The following SLC4A1 variants were observed in gnomAD, a reference collection of about 807,000 sequenced individuals.
SLC4A1 encodes solute carrier family 4 member 1 (Diego blood group).
SLC4A1 carries 29 observed loss-of-function variants against 93.1 expected under a neutral mutation model. The ratio of observed to expected loss-of-function variants is 0.31; its 90% CI spans 0.23 to 0.42. The LOEUF (loss-of-function observed/expected upper bound fraction) is 0.42. SLC4A1 is among the 20% of genes least tolerant of loss of function. SLC4A1 has a pLI of 1.00. For synonymous variants in SLC4A1, 469 were observed against 497.2 expected, an observed-to-expected ratio of 0.94 and a Z score of 0.76; for missense variants, 965 against 1,190.1, an observed-to-expected ratio of 0.81 and a Z score of 2.78.
chr17:44,261,648 A>C lies in SLC4A1; in HGVS notation c.107-12T>G. ...CTCGGTGTCGTGAGCTGAAAACCAG[A>C]GGTCGGTTAGTATTGACCTGACCGT... On this transcript the variant is annotated splice_polypyrimidine_tract_variant and intron_variant, in intron 3 of 19. Coordinates refer to ENST00000262418, the MANE Select transcript of SLC4A1 (RefSeq NM_000342.4). 6.2e-7 allele frequency: 1 copy of C among 1,614,026 alleles called. No individual in the cohort carries two copies. Among genetic ancestry groups the C allele is most frequent in the Non-Finnish European group, 8.5e-7 (1 of 1,179,966 alleles).
rs1418233094 is a variant in SLC4A1 at position 44,258,236 on chromosome 17, A to G, written c.1088-56T>C. ...GGAGTAGCTGGAGGAGGTGAGGGGA[A>G]AGGGGACTGGAGGGTGTAGGGGAGA... is the stretch of plus-strand genomic sequence containing the variant. On this transcript the variant is annotated intron_variant, in intron 10 of 19. Coordinates refer to ENST00000262418, the MANE Select transcript of SLC4A1 (RefSeq NM_000342.4). The surrounding 1 kb of genome is among the most constrained non-coding windows in gnomAD (Gnocchi z 6.1). The G allele has an allele frequency of 1.9e-6, 3 of 1,551,506 alleles. No individual in the cohort carries two copies. In the South Asian group the frequency reaches 3.3e-5, roughly 17 times the overall value.
At chr17:44,256,466 G>T (rs1265461149) in intron 13 of SLC4A1, among the ~76,000 whole-genome samples, 2 of 152,230 alleles carry the variant, frequency 1.3e-5, no homozygotes, top group Non-Finnish European at 2.9e-5. Context: ...AACAGAATCA[G>T]GGGACAACAC....
Position 44,249,207 on chromosome 17 carries a change from C to G in SLC4A1, c.*1251G>C. On this transcript the variant is annotated 3_prime_UTR_variant, in exon 20 of 20. Transcript: ENST00000262418. Reference sequence around the variant, plus strand: ...CTTCCTGATTCTGTTTCCTCCATCTCTCACCACTTTCACGTCTTTCAACTC... The same window carrying G: ...CTTCCTGATTCTGTTTCCTCCATCTGTCACCACTTTCACGTCTTTCAACTC... 4.4e-6 allele frequency: 2 copies of G among 453,564 alleles called. No homozygotes were observed. Among genetic ancestry groups the G allele is most frequent in the Non-Finnish European group, 8.8e-6 (2 of 226,130 alleles). The allele number at this position is 453,564 out of a possible 1,614,324, so 28.1% of individuals were successfully genotyped here.
chr17:44,252,381 A>G (rs1479064756), intron 17 of SLC4A1, among the ~76,000 whole-genome samples: 1 of 152,082 alleles, frequency 6.6e-6, no homozygotes, highest in Non-Finnish European at 1.5e-5. Context: ...ATGAGGAAAC[A>G]GGCTCAGAGA....
chr17:44,261,882 G>T, intron 3 of SLC4A1: 1 of 1,023,890 alleles, frequency 9.8e-7, no homozygotes, highest in Non-Finnish European at 1.4e-6. Context: ...GATTCAGCCA[G>T]GGAGGCCTAG....
intron 9 of SLC4A1, 90 bp downstream of exon 9, chr17:44,259,073 A>C: frequency 7.3e-7 from 1 of 1,373,068 alleles, no homozygotes; most frequent in Non-Finnish European, 1.0e-6. Flanking sequence ...CAGTGAACCT[A>C]AAGTAACCCA....
intron 14 of SLC4A1, among the ~76,000 whole-genome samples, 155 bp downstream of exon 14, chr17:44,255,518 A>G (rs1191996915): frequency 6.6e-6 from 1 of 152,170 alleles, no homozygotes; most frequent in Non-Finnish European, 1.5e-5. Context: ...CCATAGAGTG[A>G]AACCCTAGGT....
At chr17:44,262,012 C>T in intron 3 of SLC4A1, 1 of 1,191,286 alleles carries the variant, frequency 8.4e-7, no homozygotes, top group Non-Finnish European at 1.1e-6. Flanking sequence ...ACCAGACTCC[C>T]TTCTCTCCTC....
chr17:44,248,754 C>G lies in SLC4A1; in HGVS notation c.*1704G>C, dbSNP rs1453275074. On this transcript the variant is annotated 3_prime_UTR_variant, in exon 20 of 20. Transcript: ENST00000262418. The stretch of plus-strand genomic sequence containing the variant: ...GAGAGCCTCCCATGGACTGAGCTAG[C>G]CTGGGAGGTACAAATAATGTTACTC... 1 of 165,846 alleles carries G rather than the reference C, an allele frequency of 6.0e-6. No homozygotes were observed. The highest frequency in any genetic ancestry group is 2.4e-5 in the African/African-American group (1 of 41,176). The allele number at this position is 165,846 out of a possible 1,614,324, so 10.3% of individuals were successfully genotyped here.
rs1199756918 is a variant in SLC4A1 at position 44,262,713 on chromosome 17, T to A, written c.29A>T (p.Asp10Val). The change falls in exon 3 of 20, where the codon GAC (aspartate) becomes GTC (valine). Residue 10 changes from aspartate to valine, a missense_variant. This residue lies in a region of SLC4A1 where 195 missense variants were observed against 183.5 expected (regional missense o/e 1.06). Transcript: ENST00000262418. MEELQDDYE[D>V]MMEENLEQEE... ...CTGCTCCAGATTCTCCTCCATCATG[T>A]CTTCATAATCATCCTGTGGGAAGTG... 2 of 1,614,146 alleles carry A rather than the reference T, an allele frequency of 1.2e-6. No individual in the cohort carries two copies. The highest frequency in any genetic ancestry group is 3.3e-5 in the Admixed American group (2 of 60,020).
chr17:44,259,271 C>CA lies in SLC4A1; in HGVS notation c.767dup (p.Glu257GlyfsTer16). On this transcript the variant is annotated frameshift_variant, in exon 9 of 20. Transcript: ENST00000262418. LOFTEE classifies it high-confidence loss of function. ...GGAAGCGTATAGGCACCGGCAGCTCCACCGCCTCCAGCTCCGCTGCCTCCT... is the reference window on the plus strand; with the variant it reads ...GGAAGCGTATAGGCACCGGCAGCTCCAACCGCCTCCAGCTCCGCTGCCTCCT... 6.2e-7 allele frequency: 1 copy of CA among 1,613,944 alleles called. No individual in the cohort carries two copies. The highest frequency in any genetic ancestry group is 8.5e-7 in the Non-Finnish European group (1 of 1,180,040).
In SLC4A1 at chr17:44,249,103, C is replaced by A. The variant is rs2047317756; in HGVS notation, c.*1355G>T. ...TCTCAAACTCCTGACCTCAAATGATCCGCCCAACTTGGCCTCCCAAAGTGC... is the reference window on the plus strand; with the variant it reads ...TCTCAAACTCCTGACCTCAAATGATACGCCCAACTTGGCCTCCCAAAGTGC... On this transcript the variant is annotated 3_prime_UTR_variant, in exon 20 of 20. Coordinates refer to ENST00000262418, the MANE Select transcript of SLC4A1 (RefSeq NM_000342.4). 1 of 439,498 alleles carries A rather than the reference C, an allele frequency of 2.3e-6. No homozygotes were observed. The highest frequency in any genetic ancestry group is 7.3e-5 in the East Asian group (1 of 13,664). The allele number at this position is 439,498 out of a possible 1,614,324, so 27.2% of individuals were successfully genotyped here.
In SLC4A1 at chr17:44,258,491, G is replaced by T. The variant is rs939529220; in HGVS notation, c.1009C>A (p.Pro337Thr). Residue 337 changes from proline (P) to threonine (T), a missense_variant, in exon 10 of 20, where the codon CCT becomes ACT. This residue lies in a region of SLC4A1 where 770 missense variants were observed against 1,006.6 expected (regional missense o/e 0.76). Transcript: ENST00000262418. The surrounding 1 kb of genome is among the most constrained non-coding windows in gnomAD (Gnocchi z 6.1). Reference protein sequence around the residue: ...PSEQALLSLVPVQRELLRRRY... With the variant: ...PSEQALLSLVTVQRELLRRRY... ...CTTCGAAGTAGCTCCCTCTGCACAG[G>T]CACCAGACTGAGCAGTGCCTGCTCG... 6.2e-7 allele frequency: 1 copy of T among 1,614,046 alleles called. No homozygotes were observed. The highest frequency in any genetic ancestry group is 8.5e-7 in the Non-Finnish European group (1 of 1,179,980).
chr17:44,250,222 A>T lies in SLC4A1; in HGVS notation c.*236T>A, dbSNP rs193117979. On this transcript the variant is annotated 3_prime_UTR_variant, in exon 20 of 20. Transcript: ENST00000262418. Reference sequence around the variant, plus strand: ...CAGTGAAAGTGTGGCAACAGGAGGGACTGTGCAACAAACCCCCTAATGTGG... The same window carrying T: ...CAGTGAAAGTGTGGCAACAGGAGGGTCTGTGCAACAAACCCCCTAATGTGG... 10 of 520,554 alleles carry T rather than the reference A, an allele frequency of 1.9e-5. No homozygotes were observed. Among genetic ancestry groups the T allele is most frequent in the African/African-American group, 1.5e-4 (8 of 52,066 alleles). 32.2% of individuals were successfully genotyped at this position (520,554 alleles called of 1,614,324 possible).
In SLC4A1 at chr17:44,253,589, G is replaced by A. The variant is rs34923543; in HGVS notation, c.2058-218C>T. ...CATTCAAGGCTGATTCGCAGGCAAC[G>A]AAGCTTCAGCTTCAGGGAGCTTTGC... On this transcript the variant is annotated intron_variant, in intron 16 of 19. Transcript: ENST00000262418. Among the ~76,000 whole-genome samples, 9 of 147,726 alleles carry A rather than the reference G, an allele frequency of 6.1e-5. No individual in the cohort carries two copies. In the Admixed American group the frequency reaches 6.1e-4, roughly 10 times the overall value.
rs759297000 is a variant in SLC4A1 at position 44,258,416 on chromosome 17, G to T, written c.1084C>A (p.Leu362Ile). 1 of 1,613,840 alleles carries T rather than the reference G, an allele frequency of 6.2e-7. No individual in the cohort carries two copies. ...AKPDSSFYKGLDLNGGPDDPL... is the reference protein window; with the variant it reads ...AKPDSSFYKGIDLNGGPDDPL... ...CTCAGCTGGGAAGGGCAGGTACCTA[G>T]GCCCTTGTAGAAGCTGGAGTCTGGC... The change falls in exon 10 of 20, where the codon CTA (leucine) becomes ATA (isoleucine). Residue 362 changes from leucine to isoleucine, a missense_variant. By Grantham distance (5) the Leu-to-Ile change is conservative. This residue lies in a region of SLC4A1 where 770 missense variants were observed against 1,006.6 expected (regional missense o/e 0.76). Coordinates refer to ENST00000262418, the MANE Select transcript of SLC4A1 (RefSeq NM_000342.4). This position sits in a 1 kb window ranked among gnomAD's most constrained non-coding sequence, Gnocchi z 6.1.
In SLC4A1 at chr17:44,250,160, G is replaced by C; in HGVS notation, c.*298C>G. On this transcript the variant is annotated 3_prime_UTR_variant, in exon 20 of 20. Coordinates refer to ENST00000262418, the MANE Select transcript of SLC4A1 (RefSeq NM_000342.4). Reference sequence around the variant, plus strand: ...CTACCCCTGCCTGTGCTGGGAAGAGGGAGGGCTCAGATCTAAGTCTTCCAG... The same window carrying C: ...CTACCCCTGCCTGTGCTGGGAAGAGCGAGGGCTCAGATCTAAGTCTTCCAG... 1.2e-5 allele frequency: 5 copies of C among 420,838 alleles called. No individual in the cohort carries two copies. The highest frequency in any genetic ancestry group is 1.2e-4 in the South Asian group (5 of 42,562). 26.1% of individuals were successfully genotyped at this position (420,838 alleles called of 1,614,324 possible). A position where few individuals can be genotyped will look rare whatever the true frequency, so the allele number is the denominator to read the frequency against.
In SLC4A1 at chr17:44,255,147, G is replaced by C. The variant is rs934433051; in HGVS notation, c.1890+60C>G. ...AGCTATTCTAGGGAAGGGGCATGCT[G>C]GGGGGTGGAAATGAGGACCTGGGGG... On this transcript the variant is annotated intron_variant, in intron 15 of 19. Coordinates refer to ENST00000262418, the MANE Select transcript of SLC4A1 (RefSeq NM_000342.4). The C allele has an allele frequency of 2.6e-6, 3 of 1,157,454 alleles. No individual in the cohort carries two copies. The African/African-American group carries it at 4.6e-5, about 18-fold the overall frequency. 71.7% of individuals were successfully genotyped at this position (1,157,454 alleles called of 1,614,324 possible).
intron 3 of SLC4A1, 28 bp downstream of exon 3, chr17:44,262,608 C>T: frequency 6.4e-7 from 1 of 1,556,772 alleles, no homozygotes. Context: ...AGCAGCTCAT[C>T]CCAGCTGAGG....
Sources: allele counts gnomAD v4.1 joint callset (sites outside exome capture counted in the v4.1 genomes callset), GRCh38; gene constraint gnomAD v4.1.1; regional missense constraint gnomAD v4.1.1; non-coding constraint Gnocchi (gnomAD v3.1); transcripts MANE v1.5; gene names NCBI Gene and HGNC (gene_info 2026-07-23, HGNC 2026-07-21).